TMEM117: variants seen among roughly 807,000 people sequenced by gnomAD.
TMEM117 encodes the protein transmembrane protein 117.
TMEM117 carries 27 observed loss-of-function variants against 52.4 expected under a neutral mutation model. The observed-to-expected ratio is 0.51, with a 90% CI of 0.38 to 0.71. TMEM117 has a LOEUF of 0.71. TMEM117 is among the 30% of genes least tolerant of loss of function. The probability of loss-of-function intolerance (pLI) is 0.00; values close to 1 mark genes in which losing one functional copy is unlikely to be tolerated. For synonymous variants in TMEM117, 215 were observed against 206.3 expected, an observed-to-expected ratio of 1.04 and a Z score of -0.36; for missense variants, 556 against 630.5, an observed-to-expected ratio of 0.88 and a Z score of 1.26.
intron 6 of TMEM117, among the ~76,000 whole-genome samples, chr12:44,314,183 T>C (rs1951025499): frequency 6.6e-6 from 1 of 152,200 alleles, no homozygotes; most frequent in Non-Finnish European, 1.5e-5. Context: ...CCAGTTCTCA[T>C]GGGGAATACT....
intron 2 of TMEM117, among the ~76,000 whole-genome samples, chr12:43,907,291 T>A (rs1944409823): frequency 6.6e-6 from 1 of 151,738 alleles, no homozygotes; most frequent in South Asian, 2.1e-4. Flanking sequence ...GGGTCCTGTC[T>A]GTTAGAAGGA....
intron 5 of TMEM117, among the ~76,000 whole-genome samples, chr12:44,236,419 CA>C (rs1404744189): frequency 6.6e-6 from 1 of 151,948 alleles, no homozygotes; most frequent in Admixed American, 6.6e-5. Context: ...TAATTTCAGC[CA>C]TTGTTTTTTA....
intron 1 of TMEM117, among the ~76,000 whole-genome samples, chr12:43,843,080 G>A (rs556265631): frequency 6.6e-6 from 1 of 152,246 alleles, no homozygotes; most frequent in Admixed American, 6.5e-5. Flanking sequence ...TCAGGGGGTT[G>A]TTATGACAAA....
chr12:44,243,548 T>A (rs954053324), intron 5 of TMEM117, among the ~76,000 whole-genome samples: 3 of 151,960 alleles, frequency 2.0e-5, no homozygotes, highest in African/African-American at 7.2e-5. Flanking sequence ...TGTGGTGCTA[T>A]GATACACACA....
At chr12:43,920,223 C>T (rs1394341225) in intron 2 of TMEM117, among the ~76,000 whole-genome samples, 1 of 152,172 alleles carries the variant, frequency 6.6e-6, no homozygotes, top group Non-Finnish European at 1.5e-5. Flanking sequence ...GCACTCCTCT[C>T]TTTAAAAATT....
chr12:44,043,538 C>T (rs1473711286), intron 3 of TMEM117, among the ~76,000 whole-genome samples: 10 of 152,170 alleles, frequency 6.6e-5, no homozygotes, highest in Admixed American at 3.9e-4. Context: ...ATCCCCTCCC[C>T]GACCCATGCT....
At chr12:44,150,921 T>C (rs900981556) in intron 4 of TMEM117, among the ~76,000 whole-genome samples, 12 of 152,192 alleles carry the variant, frequency 7.9e-5, no homozygotes, top group African/African-American at 2.7e-4. Context: ...GCAAAAATTC[T>C]GGCTTTCACT....
intron 4 of TMEM117, among the ~76,000 whole-genome samples, chr12:44,162,455 A>G (rs1167878901): frequency 6.6e-6 from 1 of 152,158 alleles, no homozygotes; most frequent in Non-Finnish European, 1.5e-5. Context: ...CTACTCCCTC[A>G]TCTGTCACTC....
intron 3 of TMEM117, among the ~76,000 whole-genome samples, chr12:43,962,770 CAA>C (rs1326846419): frequency 6.6e-6 from 1 of 151,410 alleles, no homozygotes. Context: ...AATACGAAAA[CAA>C]AAAAAATTAG....
chr12:43,990,711 C>T (rs1198386421), intron 3 of TMEM117, among the ~76,000 whole-genome samples: 1 of 152,030 alleles, frequency 6.6e-6, no homozygotes, highest in Non-Finnish European at 1.5e-5. Flanking sequence ...TGTGAGGTAG[C>T]TGTTAAGTAT....
intron 3 of TMEM117, among the ~76,000 whole-genome samples, chr12:43,994,727 T>C (rs549756906): frequency 2.0e-4 from 30 of 152,294 alleles, no homozygotes; most frequent in Admixed American, 2.6e-4. Flanking sequence ...TGAATATATA[T>C]GCTCAAGAGA....
At position 43,922,245 on chromosome 12, in the gene TMEM117, T is replaced by A. The variant is rs142699918; in HGVS notation, c.278-21965T>A. On this transcript the variant is annotated intron_variant, in intron 2 of 7. Transcript: ENST00000266534. ...TAGAAGGCAATACGCGTGCAGTGGG[T>A]TCTCTAAATAGAAAGGGATATAACA... Among the ~76,000 whole-genome samples, 751 of 152,236 alleles carry A rather than the reference T, an allele frequency of 4.9e-3. 5 individuals carry two copies. The highest frequency in any genetic ancestry group is 0.017 in the African/African-American group (724 of 41,542).
intron 2 of TMEM117, among the ~76,000 whole-genome samples, chr12:43,934,489 AT>A (rs1944919817): frequency 6.6e-6 from 1 of 152,176 alleles, no homozygotes; most frequent in Non-Finnish European, 1.5e-5. Flanking sequence ...CTAAACATTT[AT>A]TTTAATATGC....
intron 5 of TMEM117, among the ~76,000 whole-genome samples, chr12:44,253,695 T>C (rs552883548): frequency 2.0e-5 from 3 of 152,210 alleles, no homozygotes; most frequent in East Asian, 3.9e-4. Flanking sequence ...ATTATTGTTA[T>C]CCATGCTTTA....
intron 3 of TMEM117, among the ~76,000 whole-genome samples, chr12:43,975,108 A>T (rs1465914733): frequency 6.6e-6 from 1 of 152,174 alleles, no homozygotes; most frequent in Non-Finnish European, 1.5e-5. Context: ...TCCATGACCT[A>T]GTTCTTAACC....
In TMEM117 at chr12:44,190,318, T is replaced by G. The variant is rs181706856; in HGVS notation, c.511-20972T>G. On this transcript the variant is annotated intron_variant, in intron 4 of 7. Coordinates refer to ENST00000266534, the MANE Select transcript of TMEM117 (RefSeq NM_032256.3). Reference sequence around the variant, plus strand: ...GCTATAAAGCAAAAATAAATTTTAGTATATTGTCTCTTCAAGCTATGCTTC... The same window carrying G: ...GCTATAAAGCAAAAATAAATTTTAGGATATTGTCTCTTCAAGCTATGCTTC... Among the ~76,000 whole-genome samples the G allele has an allele frequency of 1.7e-3, 260 of 152,330 alleles. 2 individuals carry two copies. The East Asian group carries it at 0.032, about 19-fold the overall frequency.
At chr12:44,237,730 AC>A (rs1413810807) in intron 5 of TMEM117, among the ~76,000 whole-genome samples, 2 of 152,092 alleles carry the variant, frequency 1.3e-5, no homozygotes, top group South Asian at 2.1e-4. Flanking sequence ...TAAAAAAAAA[AC>A]AAAACTGGGA....
intron 3 of TMEM117, among the ~76,000 whole-genome samples, chr12:44,034,410 A>G (rs1946680098): frequency 6.6e-6 from 1 of 152,248 alleles, no homozygotes. Flanking sequence ...CATTGGTATT[A>G]GATATAAATA....
chr12:44,295,020 T>C (rs1643428), intron 5 of TMEM117, among the ~76,000 whole-genome samples: 10,403 of 152,194 alleles, frequency 0.068, 567 homozygotes, highest in African/African-American at 0.15. Context: ...GGTGGGTCCT[T>C]CTTTAGATTC....
Sources: allele counts gnomAD v4.1 joint callset (sites outside exome capture counted in the v4.1 genomes callset), GRCh38; gene constraint gnomAD v4.1.1; transcripts MANE v1.5; gene names NCBI Gene and HGNC (gene_info 2026-07-23, HGNC 2026-07-21).